The following ZMIZ1 variants were observed in gnomAD, a reference collection of about 807,000 sequenced individuals.
The protein encoded by ZMIZ1 is zinc finger MIZ domain-containing protein 1.
A neutral mutation model predicts 113.9 loss-of-function variants in ZMIZ1; 17 were observed. The ratio of observed to expected loss-of-function variants is 0.15; its 90% CI spans 0.10 to 0.22. ZMIZ1 has a LOEUF of 0.22. Among genes scored for constraint, ZMIZ1 ranks in the 10% least tolerant of loss-of-function variants. The probability of loss-of-function intolerance (pLI) is 1.00; values close to 1 mark genes in which losing one functional copy is unlikely to be tolerated. For missense variants in ZMIZ1, 1,059 were observed against 1,477.8 expected (o/e 0.72, Z 4.65); for synonymous variants, 607 against 603.1 (o/e 1.01, Z -0.09).
intron 7 of ZMIZ1, among the ~76,000 whole-genome samples, chr10:79,243,068 C>T (rs1849945611): frequency 6.6e-6 from 1 of 151,424 alleles, no homozygotes; most frequent in Non-Finnish European, 1.5e-5. Flanking sequence ...GACGCCAAGG[C>T]AGGTCTGCTC....
chr10:79,259,245 G>T (rs1437048947), intron 7 of ZMIZ1, among the ~76,000 whole-genome samples: 2 of 152,186 alleles, frequency 1.3e-5, no homozygotes, highest in East Asian at 1.9e-4. Context: ...GGAAGGGGGG[G>T]CTGGAGCTCT....
At chr10:79,188,410 G>C (rs1029976543) in intron 4 of ZMIZ1, among the ~76,000 whole-genome samples, 1 of 152,206 alleles carries the variant, frequency 6.6e-6, no homozygotes, top group Non-Finnish European at 1.5e-5. Flanking sequence ...CAGTCTTGCT[G>C]GGGGAGGGAG....
At chr10:79,278,035 A>G (rs867652080) in intron 8 of ZMIZ1, among the ~76,000 whole-genome samples, 17 of 152,176 alleles carry the variant, frequency 1.1e-4, no homozygotes, top group African/African-American at 4.1e-4. Context: ...CTCGGCTCTC[A>G]TTATCCAGCC....
intron 2 of ZMIZ1, among the ~76,000 whole-genome samples, chr10:79,132,050 C>G (rs893177116): frequency 1.3e-5 from 2 of 152,212 alleles, no homozygotes; most frequent in Non-Finnish European, 2.9e-5. Flanking sequence ...GAGTGTAAAA[C>G]TTCCCTTTGT....
intron 3 of ZMIZ1, among the ~76,000 whole-genome samples, chr10:79,142,924 T>C (rs557696561): frequency 2.0e-4 from 30 of 152,118 alleles, no homozygotes; most frequent in African/African-American, 2.4e-4. Flanking sequence ...GTGGATCCTT[T>C]ATCCTAAAAG....
chr10:79,291,047 G>A lies in ZMIZ1; in HGVS notation c.629G>A (p.Gly210Asp), dbSNP rs1424589300. Residue 210 changes from glycine (G) to aspartate (D), a missense_variant, in exon 10 of 25, where the codon GGC (glycine) becomes GAC (aspartate). Transcript: ENST00000334512. ...MASGMTTSNP[G>D]LNSPQFAGQQ... ...TCGGGCATGACCACCAGCAACCCAG[G>A]CCTCAACTCCCCACAGTTTGCGGGG... The A allele has an allele frequency of 6.2e-7, 1 of 1,614,224 alleles. No homozygotes were observed. The highest frequency in any genetic ancestry group is 1.1e-5 in the South Asian group (1 of 91,082).
chr10:79,109,704 T>G (rs1029435256), intron 1 of ZMIZ1, among the ~76,000 whole-genome samples: 1 of 152,110 alleles, frequency 6.6e-6, no homozygotes, highest in African/African-American at 2.4e-5. Context: ...CAGTCAAGAG[T>G]CAGGCAGCCA....
chr10:79,245,279 A>T (rs1850123086), intron 7 of ZMIZ1, among the ~76,000 whole-genome samples: 1 of 152,094 alleles, frequency 6.6e-6, no homozygotes, highest in Admixed American at 6.5e-5. Context: ...CCAGTTTCAG[A>T]TGGGAAAACT....
At position 79,169,876 on chromosome 10, in the gene ZMIZ1, T is replaced by G. The variant is rs138582908; in HGVS notation, c.-50+7743T>G. ...AGACTGATGCCCTTGGGGAGATACC[T>G]CCCACCCCTCAAACAGGAGCATCTG... On this transcript the variant is annotated intron_variant, in intron 4 of 24. Coordinates refer to ENST00000334512, the MANE Select transcript of ZMIZ1 (RefSeq NM_020338.4). Among the ~76,000 whole-genome samples the G allele has an allele frequency of 2.7e-3, 409 of 152,324 alleles. 3 individuals carry two copies. The highest frequency in any genetic ancestry group is 9.5e-3 in the African/African-American group (396 of 41,566).
chr10:79,167,005 C>T (rs1325724574), intron 4 of ZMIZ1, among the ~76,000 whole-genome samples: 2 of 152,236 alleles, frequency 1.3e-5, no homozygotes, highest in Admixed American at 1.3e-4. Flanking sequence ...GCGGCTCCAC[C>T]GTGCTGCCCC....
intron 14 of ZMIZ1, 29 bp from the exon 15 acceptor site, chr10:79,298,377 A>G (rs1393384074): frequency 6.3e-7 from 1 of 1,599,876 alleles, no homozygotes; most frequent in East Asian, 2.3e-5. Flanking sequence ...TAATCCCATA[A>G]CTCGTGCGTG....
intron 8 of ZMIZ1, among the ~76,000 whole-genome samples, chr10:79,283,998 C>A (rs943994990): frequency 2.0e-5 from 3 of 152,150 alleles, no homozygotes; most frequent in Admixed American, 6.5e-5. Flanking sequence ...TCTGACAATA[C>A]CCTTAATGGA....
chr10:79,129,708 G>A (rs1844668446), intron 2 of ZMIZ1, among the ~76,000 whole-genome samples: 1 of 152,204 alleles, frequency 6.6e-6, no homozygotes, highest in Non-Finnish European at 1.5e-5. Context: ...TAGTGGCTTT[G>A]CTCCCAGCTT....
chr10:79,246,956 A>G (rs1249282797), intron 7 of ZMIZ1, among the ~76,000 whole-genome samples: 2 of 152,194 alleles, frequency 1.3e-5, no homozygotes, highest in Non-Finnish European at 2.9e-5. Context: ...CCAGTCTCCC[A>G]GTGGGAACGT....
chr10:79,149,988 C>T (rs1053070620), intron 3 of ZMIZ1, among the ~76,000 whole-genome samples: 10 of 152,238 alleles, frequency 6.6e-5, no homozygotes, highest in African/African-American at 2.4e-4. Flanking sequence ...GCCAGCGTGG[C>T]CTGCCCACTC....
rs1286861809 is a variant in ZMIZ1, at chr10:79,273,246, A to G, written c.281-3935A>G. On this transcript the variant is annotated intron_variant, in intron 7 of 24. Coordinates refer to ENST00000334512, the MANE Select transcript of ZMIZ1 (RefSeq NM_020338.4). The stretch of plus-strand genomic sequence containing the variant: ...AGCTTGGCTGACGGGGGGTGGTCCC[A>G]TGGGCCTCTGTGGCCAGCTCTGCAG... Among the ~76,000 whole-genome samples the G allele has an allele frequency of 3.3e-5, 5 of 152,222 alleles. 1 individual carries two copies. Among genetic ancestry groups the G allele is most frequent in the East Asian group, 1.9e-4 (1 of 5,196 alleles).
chr10:79,239,578 A>G (rs1166609526), intron 7 of ZMIZ1, among the ~76,000 whole-genome samples: 1 of 152,076 alleles, frequency 6.6e-6, no homozygotes, highest in Non-Finnish European at 1.5e-5. Flanking sequence ...AGAACCCAGC[A>G]CCCAGCAGAG....
At chr10:79,281,196 G>T (rs1478483824) in intron 8 of ZMIZ1, among the ~76,000 whole-genome samples, 1 of 152,150 alleles carries the variant, frequency 6.6e-6, no homozygotes, top group Non-Finnish European at 1.5e-5. Context: ...AGGTTGTTCG[G>T]TCCCGGGGTT....
chr10:79,282,675 G>A (rs1325546940), intron 8 of ZMIZ1, among the ~76,000 whole-genome samples: 4 of 152,230 alleles, frequency 2.6e-5, no homozygotes, highest in Admixed American at 2.0e-4. Context: ...GCTGATGGGG[G>A]ACATGGTGCC....
Sources: allele counts gnomAD v4.1 joint callset (sites outside exome capture counted in the v4.1 genomes callset), GRCh38; gene constraint gnomAD v4.1.1; transcripts MANE v1.5; gene names NCBI Gene and HGNC (gene_info 2026-07-23, HGNC 2026-07-21).